The following TTN variants were observed in gnomAD, a reference collection of about 807,000 sequenced individuals.
TTN encodes titin, also known as connectin.
In TTN, 1,525 loss-of-function variants were observed where a neutral mutation model predicts 3,223.0. The observed-to-expected ratio is 0.47, with a 90% CI of 0.45 to 0.49. The LOEUF (loss-of-function observed/expected upper bound fraction) is 0.49. TTN is among the 20% of genes least tolerant of loss of function. The pLI, the probability that TTN is intolerant of heterozygous loss-of-function variation, is 0.00. For synonymous variants in TTN, 14,094 were observed against 15,161.0 expected (o/e 0.93, Z 5.17); for missense variants, 40,786 against 43,424.0 (o/e 0.94, Z 5.40).
At position 178,720,913 on chromosome 2, in the gene TTN, T is replaced by C. The variant is rs1341341909; in HGVS notation, c.23098+8A>G. ...AATAAAGAAACAAAGAAGCTTAGTGTGTCTAACCTTTCACTGTCAACGCTG... is the reference window on the plus strand; with the variant it reads ...AATAAAGAAACAAAGAAGCTTAGTGCGTCTAACCTTTCACTGTCAACGCTG... On this transcript the variant is annotated splice_region_variant and intron_variant, in intron 79 of 362. Coordinates refer to ENST00000589042, the MANE Select transcript of TTN (RefSeq NM_001267550.2). 2 of 1,572,012 alleles carry C rather than the reference T, an allele frequency of 1.3e-6. No individual in the cohort carries two copies. Among genetic ancestry groups the C allele is most frequent in the Non-Finnish European group, 8.7e-7 (1 of 1,155,416 alleles).
rs189445085 is a variant in TTN, at chr2:178,751,841, G to A, written c.11311+1283C>T. ...AATTAATCTACATGTAAAAACAACC[G>A]GTTCACCCTCTAAAACATATTTAAA... On this transcript the variant is annotated intron_variant, in intron 47 of 362. Coordinates refer to ENST00000589042, the MANE Select transcript of TTN (RefSeq NM_001267550.2). The A allele has an allele frequency of 7.4e-5, 120 of 1,612,730 alleles. 2 individuals are homozygous for A. Among genetic ancestry groups the A allele is most frequent in the East Asian group, 4.2e-4 (19 of 44,822 alleles).
chr2:178,579,120 G>GAGAT lies in TTN; in HGVS notation c.67906_67909dup (p.Ser22637TyrfsTer19). On this transcript the variant is annotated frameshift_variant, in exon 320 of 363. Coordinates refer to ENST00000589042, the MANE Select transcript of TTN (RefSeq NM_001267550.2). LOFTEE classifies it high-confidence loss of function. ...GCCAGGCTTGCCAACAACCTTTATG[G>GAGAT]AGATAGTTCCTTCCTTGGTGCCAGC... 1 of 1,613,344 alleles carries GAGAT rather than the reference G, an allele frequency of 6.2e-7. No homozygotes were observed. The highest frequency in any genetic ancestry group is 8.5e-7 in the Non-Finnish European group (1 of 1,179,544).
Position 178,724,461 on chromosome 2 carries a change from C to A in TTN, c.20914G>T (p.Ala6972Ser). Residue 6972 changes from alanine to serine, a missense_variant, in exon 72 of 363, where the codon GCT becomes TCT. Ala to Ser is a moderately conservative substitution (Grantham distance 99). Coordinates refer to ENST00000589042, the MANE Select transcript of TTN (RefSeq NM_001267550.2). ...GETCTLECKV[A>S]GTPELSVEWY... ...TCAACAGAGAGTTCCGGAGTGCCAG[C>A]CACCTTACACTCCAGAGTGCACGTT... 3 of 1,613,286 alleles carry A rather than the reference C, an allele frequency of 1.9e-6. No individual in the cohort carries two copies. The highest frequency in any genetic ancestry group is 2.5e-6 in the Non-Finnish European group (3 of 1,179,464).
chr2:178,752,226 C>T (rs186126734), intron 47 of TTN, among the ~76,000 whole-genome samples: 9 of 152,082 alleles, frequency 5.9e-5, no homozygotes, highest in South Asian at 2.1e-4. Context: ...GATTCTGACA[C>T]GAAAATCGTT....
At chr2:178,796,618 TAGA>T (rs2093781588) in intron 6 of TTN, among the ~76,000 whole-genome samples, 1 of 152,158 alleles carries the variant, frequency 6.6e-6, no homozygotes, top group Non-Finnish European at 1.5e-5. Flanking sequence ...AAAACCAAGT[TAGA>T]ATAATGTGTG....
rs1553588874 is a variant in TTN at position 178,566,536 on chromosome 2, T to C, written c.79596A>G (p.Glu26532=). The C allele has an allele frequency of 1.9e-6, 3 of 1,613,350 alleles. No individual in the cohort carries two copies. The highest frequency in any genetic ancestry group is 2.5e-6 in the Non-Finnish European group (3 of 1,179,710). ...YVVEICKADE[E]EWQIVTPQTG... is the part of the protein sequence containing the mutation. ...TCTGTGGAGTAACTATTTGCCATTC[T>C]TCTTCATCTGCTTTACAGATTTCTA... is the stretch of plus-strand genomic sequence containing the variant. Residue 26532 remains glutamate (E), a synonymous_variant, in exon 326 of 363, where the codon GAA becomes GAG. Transcript: ENST00000589042.
At position 178,530,356 on chromosome 2, in the gene TTN, G is replaced by C. The variant is rs367732354; in HGVS notation, c.106259C>G (p.Pro35420Arg). 6.2e-7 allele frequency: 1 copy of C among 1,613,762 alleles called. No individual in the cohort carries two copies. Among genetic ancestry groups the C allele is most frequent in the African/African-American group, 1.3e-5 (1 of 74,888 alleles). ...PKAPEPISSK[P>R]VIVTGLQDTT... ...ATCCTGCAACCCAGTAACAATTACT[G>C]GTTTTGAGGAAATTGGTTCAGGAGC... Residue 35420 changes from proline (P) to arginine (R), a missense_variant, in exon 358 of 363, where the codon CCA (proline) becomes CGA (arginine). Physicochemically the swap from Pro to Arg is moderately radical, Grantham distance 103 (BLOSUM62 -2). Coordinates refer to ENST00000589042, the MANE Select transcript of TTN (RefSeq NM_001267550.2).
chr2:178,688,788 A>C lies in TTN; in HGVS notation c.32096-10T>G. 6.3e-7 allele frequency: 1 copy of C among 1,577,982 alleles called. No homozygotes were observed. Among genetic ancestry groups the C allele is most frequent in the Non-Finnish European group, 8.7e-7 (1 of 1,149,552 alleles). On this transcript the variant is annotated splice_polypyrimidine_tract_variant and intron_variant, in intron 125 of 362. Coordinates refer to ENST00000589042, the MANE Select transcript of TTN (RefSeq NM_001267550.2). The stretch of plus-strand genomic sequence containing the variant: ...TTCTTAGAGACTTCAGCTTTAAGAA[A>C]GTGTTAAAGTTGAAGTTTAAAATCA...
At position 178,615,368 on chromosome 2, in the gene TTN, C is replaced by A; in HGVS notation, c.48577G>T (p.Glu16193Ter). ...GGSRIKGYIV[E>*]RCPRGSDKWV... ...TTATCAGAACCACGTGGACATCTTTCAACTATATATCCTTTGATGCGTGAA... is the reference window on the plus strand; with the variant it reads ...TTATCAGAACCACGTGGACATCTTTAAACTATATATCCTTTGATGCGTGAA... Residue 16193 changes from glutamate (E) to a stop codon, truncating the protein, a stop_gained, in exon 259 of 363, where the codon GAA (glutamate) becomes TAA (stop). Coordinates refer to ENST00000589042, the MANE Select transcript of TTN (RefSeq NM_001267550.2). LOFTEE classifies it high-confidence loss of function. 1 of 1,612,612 alleles carries A rather than the reference C, an allele frequency of 6.2e-7. No homozygotes were observed. The highest frequency in any genetic ancestry group is 8.5e-7 in the Non-Finnish European group (1 of 1,179,056).
In TTN at chr2:178,561,961, T is replaced by C. The variant is rs746728021; in HGVS notation, c.84171A>G (p.Gly28057=). The C allele has an allele frequency of 8.7e-6, 14 of 1,612,892 alleles. No individual in the cohort carries two copies. The highest frequency in any genetic ancestry group is 1.0e-5 in the Non-Finnish European group (12 of 1,179,226). The change falls in exon 326 of 363, where the codon GGA becomes GGG. Residue 28057 remains glycine, a synonymous_variant. Coordinates refer to ENST00000589042, the MANE Select transcript of TTN (RefSeq NM_001267550.2). Reference sequence around the variant, plus strand: ...CATCAATACGTATAGGACCTGGAGGTCCTGGTCTGTCAAGGACAATTATAG... The same window carrying C: ...CATCAATACGTATAGGACCTGGAGGCCCTGGTCTGTCAAGGACAATTATAG... The part of the protein sequence containing the change: ...PITIIVLDRP[G]PPGPIRIDEV...
chr2:178,730,649 T>C lies in TTN; in HGVS notation c.17884A>G (p.Ser5962Gly). 1.9e-6 allele frequency: 3 copies of C among 1,613,692 alleles called. No homozygotes were observed. Among genetic ancestry groups the C allele is most frequent in the Non-Finnish European group, 2.5e-6 (3 of 1,179,702 alleles). ...WFKDDQEISA[S>G]EKYKFSFHDN... is the part of the protein sequence containing the mutation. ...TGAAAAGAGAATTTGTACTTTTCAC[T>C]AGCTGATATTTCTTGGTCATCTTTG... is the stretch of plus-strand genomic sequence containing the variant. Residue 5962 changes from serine (S) to glycine (G), a missense_variant, in exon 61 of 363, where the codon AGT (serine) becomes GGT (glycine). Ser to Gly is a moderately conservative substitution (Grantham distance 56, BLOSUM62 0). Transcript: ENST00000589042.
rs369063299 is a variant in TTN, at chr2:178,558,062, C to T, written c.87292G>A (p.Glu29098Lys). Residue 29098 changes from glutamate (E) to lysine (K), a missense_variant, in exon 328 of 363, where the codon GAG becomes AAG. Physicochemically the swap from Glu to Lys is moderately conservative, Grantham distance 56. Coordinates refer to ENST00000589042, the MANE Select transcript of TTN (RefSeq NM_001267550.2). ...TCTTTGAGATTGATGGTCAGGTTCTCAGCAGTAATTTCGGTATTAAATCTC... is the reference window on the plus strand; with the variant it reads ...TCTTTGAGATTGATGGTCAGGTTCTTAGCAGTAATTTCGGTATTAAATCTC... ...TMRFNTEITAENLTINLKESV... is the reference protein window; with the variant it reads ...TMRFNTEITAKNLTINLKESV... The T allele has an allele frequency of 3.7e-6, 6 of 1,613,948 alleles. No homozygotes were observed. Among genetic ancestry groups the T allele is most frequent in the Non-Finnish European group, 5.1e-6 (6 of 1,179,858 alleles).
intron 151 of TTN, 63 bp from the exon 152 acceptor site, chr2:178,673,773 T>C (rs949474573): frequency 3.7e-6 from 4 of 1,076,582 alleles, no homozygotes; most frequent in Admixed American, 2.5e-5. Context: ...ACCACCCATA[T>C]ACCAATAAAT....
rs776980958 is a variant in TTN at position 178,715,517 on chromosome 2, T to C, written c.25897A>G (p.Ser8633Gly). ...CCTTTAACTTTTAAGGATGTGCTGC[T>C]GCTGGCACTGCCTGCTGCATTGTGG... ...EAHNAAGSAS[S>G]STSLKVKEPP... is the part of the protein sequence containing the mutation. The change falls in exon 89 of 363, where the codon AGC becomes GGC. Residue 8633 changes from serine (S) to glycine (G), a missense_variant. Coordinates refer to ENST00000589042, the MANE Select transcript of TTN (RefSeq NM_001267550.2). 6.2e-7 allele frequency: 1 copy of C among 1,612,450 alleles called. No homozygotes were observed. Among genetic ancestry groups the C allele is most frequent in the Non-Finnish European group, 8.5e-7 (1 of 1,178,620 alleles).
At position 178,539,799 on chromosome 2, in the gene TTN, T is replaced by G; in HGVS notation, c.98266A>C (p.Thr32756Pro). 4 of 1,613,856 alleles carry G rather than the reference T, an allele frequency of 2.5e-6. No individual in the cohort carries two copies. Among genetic ancestry groups the G allele is most frequent in the Non-Finnish European group, 3.4e-6 (4 of 1,179,766 alleles). Residue 32756 changes from threonine to proline, a missense_variant, in exon 352 of 363, where the codon ACA (threonine) becomes CCA (proline). By Grantham distance (38) the Thr-to-Pro change is conservative. Coordinates refer to ENST00000589042, the MANE Select transcript of TTN (RefSeq NM_001267550.2). ...SKRAMIATSE[T>P]HTELVIKEAD... ...TCTTTGATCACAAGCTCAGTGTGTG[T>G]TTCAGATGTTGCAATCATGGCACGC... is the stretch of plus-strand genomic sequence containing the variant.
rs1704850642 is a variant in TTN at position 178,564,331 on chromosome 2, T to C, written c.81801A>G (p.Arg27267=). Residue 27267 remains arginine (R), a synonymous_variant, in exon 326 of 363, where the codon AGA becomes AGG. Coordinates refer to ENST00000589042, the MANE Select transcript of TTN (RefSeq NM_001267550.2). ...AGGCATTTGGTGCATCAATTTCATC[T>C]CTTGCAGTAATGGCACCACTACTAT... The part of the protein sequence containing the change: ...PSDSSGAITA[R]DEIDAPNASL... 2 of 1,613,618 alleles carry C rather than the reference T, an allele frequency of 1.2e-6. No individual in the cohort carries two copies. Among genetic ancestry groups the C allele is most frequent in the African/African-American group, 2.7e-5 (2 of 74,926 alleles).
At position 178,701,536 on chromosome 2, in the gene TTN, G is replaced by A. The variant is rs1202975900; in HGVS notation, c.30590C>T (p.Pro10197Leu). Reference sequence around the variant, plus strand: ...GAGGTTCTGGGTCTTACCTTCTGGTGGCACTGCTCTGATAGGCATGGTTGG... The same window carrying A: ...GAGGTTCTGGGTCTTACCTTCTGGTAGCACTGCTCTGATAGGCATGGTTGG... ...PIPTMPIRAV[P>L]PEEIPPVVAP... Residue 10197 changes from proline to leucine, a missense_variant, in exon 110 of 363, where the codon CCA becomes CTA. By Grantham distance (98) the Pro-to-Leu change is moderately conservative (BLOSUM62 -3). Coordinates refer to ENST00000589042, the MANE Select transcript of TTN (RefSeq NM_001267550.2). 2 of 1,613,048 alleles carry A rather than the reference G, an allele frequency of 1.2e-6. No individual in the cohort carries two copies. The highest frequency in any genetic ancestry group is 3.3e-5 in the Admixed American group (2 of 59,868).
rs1157126182 is a variant in TTN at position 178,576,373 on chromosome 2, G to C, written c.69759C>G (p.Thr23253=). ...PPSNPHVTDT[T]KKSASLAWGK... Reference sequence around the variant, plus strand: ...CCCATGCCAAAGAAGCAGATTTCTTGGTAGTATCAGTGACATGCGGATTTG... The same window carrying C: ...CCCATGCCAAAGAAGCAGATTTCTTCGTAGTATCAGTGACATGCGGATTTG... Residue 23253 remains threonine (T), a synonymous_variant, in exon 326 of 363, where the codon ACC becomes ACG. Coordinates refer to ENST00000589042, the MANE Select transcript of TTN (RefSeq NM_001267550.2). This position sits in a 1 kb window ranked among gnomAD's most constrained non-coding sequence, Gnocchi z 4.3. The C allele has an allele frequency of 6.4e-7, 1 of 1,558,900 alleles. No individual in the cohort carries two copies. Among genetic ancestry groups the C allele is most frequent in the East Asian group, 2.3e-5 (1 of 44,390 alleles).
In TTN at chr2:178,573,784, A is replaced by G. The variant is rs1479696704; in HGVS notation, c.72348T>C (p.Asn24116=). 1.2e-6 allele frequency: 2 copies of G among 1,609,386 alleles called. No homozygotes were observed. Among genetic ancestry groups the G allele is most frequent in the South Asian group, 1.1e-5 (1 of 90,286 alleles). The part of the protein sequence containing the change: ...NPGGFAKHIF[N]VKVLDRPGPP... ...GGCCTGGTCTGTCAAGAACTTTGAC[A>G]TTGAAAATGTGTTTAGCAAAGCCAC... Residue 24116 remains asparagine (N), a synonymous_variant, in exon 326 of 363, where the codon AAT becomes AAC. Coordinates refer to ENST00000589042, the MANE Select transcript of TTN (RefSeq NM_001267550.2).
Sources: gnomAD v4.1 joint callset for allele counts (sites outside exome capture counted in the v4.1 genomes callset) on GRCh38, gnomAD v4.1.1 for gene constraint, Gnocchi (gnomAD v3.1) non-coding constraint, MANE v1.5 for transcripts, NCBI Gene and HGNC (gene_info 2026-07-23, HGNC 2026-07-21) for gene names.